The following CCDC83 variants were observed in gnomAD, a reference collection of about 807,000 sequenced individuals.
CCDC83 encodes coiled-coil domain containing 83, also known as coiled-coil domain-containing protein 83.
CCDC83 carries 54 observed loss-of-function variants against 50.1 expected under a neutral mutation model. That is an observed-to-expected ratio of 1.08 (90% CI 0.87 to 1.35). The LOEUF is 1.35. Ranked by LOEUF, CCDC83 falls within the 40% of genes most tolerant of loss-of-function variation. CCDC83 has a pLI of 0.00. For synonymous variants in CCDC83, 161 were observed against 153.3 expected (o/e 1.05, Z -0.37); for missense variants, 518 against 473.9 (o/e 1.09, Z -0.86).
chr11:85,869,789 T>G (rs2093227233), intron 2 of CCDC83, among the ~76,000 whole-genome samples: 1 of 152,196 alleles, frequency 6.6e-6, no homozygotes, highest in Admixed American at 6.5e-5. Flanking sequence ...ATGCTTGAAG[T>G]CCCCATAATA....
chr11:85,868,417 C>CA (rs1250361171), intron 2 of CCDC83, among the ~76,000 whole-genome samples: 1 of 152,186 alleles, frequency 6.6e-6, no homozygotes, highest in East Asian at 1.9e-4. Flanking sequence ...CTCTGTCACC[C>CA]AGGCTGGAGT....
Position 85,915,476 on chromosome 11 carries a change from G to T in CCDC83, c.852G>T (p.Leu284Phe). The T allele has an allele frequency of 6.2e-7, 1 of 1,612,428 alleles. No homozygotes were observed. The highest frequency in any genetic ancestry group is 1.1e-5 in the South Asian group (1 of 90,864). The change falls in exon 9 of 11, where the codon TTG becomes TTT. Residue 284 changes from leucine to phenylalanine, a missense_variant. Transcript: ENST00000342404. The part of the protein sequence containing the change: ...GLEVPPEEMS[L>F]ELPETHIEEK... ...AAGTGCCACCTGAAGAAATGTCTTT[G>T]GAATTGCCAGAAACACATATAGGTA...
At chr11:85,859,687 C>T (rs547767071) in intron 1 of CCDC83, among the ~76,000 whole-genome samples, 40 of 152,332 alleles carry the variant, frequency 2.6e-4, no homozygotes, top group Middle Eastern at 6.8e-3. Flanking sequence ...GAATTAAATA[C>T]TTAAATGTAA....
At chr11:85,860,389 A>T (rs1301196540) in intron 1 of CCDC83, among the ~76,000 whole-genome samples, 1 of 152,134 alleles carries the variant, frequency 6.6e-6, no homozygotes, top group Non-Finnish European at 1.5e-5. Context: ...AATATATGAA[A>T]AAATGCTCAT....
chr11:85,870,410 A>C (rs570470349), intron 2 of CCDC83, among the ~76,000 whole-genome samples: 1 of 152,364 alleles, frequency 6.6e-6, no homozygotes, highest in South Asian at 2.1e-4. Context: ...AACTGCAGAA[A>C]TTATGTCAGT....
chr11:85,859,170 A>C (rs1261431780), intron 1 of CCDC83, among the ~76,000 whole-genome samples: 1 of 148,714 alleles, frequency 6.7e-6, no homozygotes, highest in Non-Finnish European at 1.5e-5. Context: ...AAAAAAAAAA[A>C]AAAAAAAAAA....
intron 1 of CCDC83, among the ~76,000 whole-genome samples, chr11:85,859,032 T>C (rs912593414): frequency 2.6e-5 from 4 of 151,902 alleles, no homozygotes; most frequent in Non-Finnish European, 5.9e-5. Flanking sequence ...ATAGATCTGC[T>C]ACCACTTTGT....
At chr11:85,909,519 G>A (rs549511745) in intron 7 of CCDC83, among the ~76,000 whole-genome samples, 2 of 151,184 alleles carry the variant, frequency 1.3e-5, no homozygotes, top group East Asian at 1.9e-4. Context: ...GGGTGGTGGA[G>A]AGGTGGGTTT....
At chr11:85,915,310 T>G (rs2093472636) in intron 8 of CCDC83, 109 bp from the exon 9 acceptor site, 1 of 756,318 alleles carries the variant, frequency 1.3e-6, no homozygotes, top group East Asian at 2.6e-5. Context: ...AAATTATGTC[T>G]CATTTTTCAT....
rs10594256 is a variant in CCDC83, at chr11:85,895,264, CTTTTTTTT to C, written c.512-12_512-5del. 6.4e-3 allele frequency: 2,307 copies of C among 363,092 alleles called. 13 individuals carry two copies. The highest frequency in any genetic ancestry group is 0.027 in the East Asian group (592 of 22,290). 22.5% of individuals were successfully genotyped at this position (363,092 alleles called of 1,614,324 possible). A position where few individuals can be genotyped will look rare whatever the true frequency, so the allele number is the denominator to read the frequency against. ...CATGCTTGATAAGGCTTTTAATTTTCTTTTTTTTTTTTTTTTTTTTTTTTAAAGAACAC... is the reference window on the plus strand; with the variant it reads ...CATGCTTGATAAGGCTTTTAATTTTCTTTTTTTTTTTTTTTTAAAGAACAC... On this transcript the variant is annotated intron_variant, in intron 5 of 10. Transcript: ENST00000342404.
chr11:85,912,137 C>A (rs889412253), intron 8 of CCDC83, among the ~76,000 whole-genome samples: 6 of 152,074 alleles, frequency 3.9e-5, no homozygotes, highest in Non-Finnish European at 8.8e-5. Flanking sequence ...ATGTAGGGTG[C>A]ATGTGTGCAA....
At chr11:85,911,212 T>C (rs368216585) in intron 7 of CCDC83, 69 bp from the exon 8 acceptor site, 4 of 1,117,288 alleles carry the variant, frequency 3.6e-6, no homozygotes, top group Non-Finnish European at 4.7e-6. Flanking sequence ...AAGAAAAAAA[T>C]AAAGAAAAGA....
intron 1 of CCDC83, among the ~76,000 whole-genome samples, chr11:85,861,725 T>G (rs2093177001): frequency 6.6e-6 from 1 of 152,114 alleles, no homozygotes. Flanking sequence ...ATAGTCATTT[T>G]GGGCCAAGTG....
chr11:85,912,505 A>G, intron 8 of CCDC83: 1 of 662,372 alleles, frequency 1.5e-6, no homozygotes. Flanking sequence ...AATATAGATG[A>G]GGTGAGGCTG....
intron 1 of CCDC83, among the ~76,000 whole-genome samples, chr11:85,861,751 G>A (rs964924831): frequency 4.9e-4 from 74 of 152,156 alleles, no homozygotes; most frequent in African/African-American, 1.8e-3. Flanking sequence ...GCTCATGCCT[G>A]TAATCCTAGC....
intron 10 of CCDC83, among the ~76,000 whole-genome samples, chr11:85,918,539 T>C (rs2093493323): frequency 6.6e-6 from 1 of 152,238 alleles, no homozygotes; most frequent in Admixed American, 6.5e-5. Context: ...ATGGATTTCA[T>C]ATCAGTTAGA....
chr11:85,881,853 G>C (rs908822455), intron 3 of CCDC83, among the ~76,000 whole-genome samples: 42 of 152,138 alleles, frequency 2.8e-4, no homozygotes, highest in African/African-American at 8.9e-4. Flanking sequence ...ATTATGATGT[G>C]TCTTAACATG....
At chr11:85,881,214 CA>C (rs1054002366) in intron 3 of CCDC83, among the ~76,000 whole-genome samples, 2 of 150,584 alleles carry the variant, frequency 1.3e-5, no homozygotes, top group East Asian at 1.9e-4. Context: ...ACTAAAAATA[CA>C]AAAAAAAATT....
In CCDC83 at chr11:85,908,595, AT is replaced by A. The variant is rs1355767024; in HGVS notation, c.673-2685del. Among the ~76,000 whole-genome samples the A allele has an allele frequency of 2.8e-4, 39 of 140,658 alleles. No homozygotes were observed. In the South Asian group the frequency reaches 3.0e-3, roughly 11 times the overall value. 92.3% of individuals were successfully genotyped at this position (140,658 alleles called of 152,430 possible). Reference sequence around the variant, plus strand: ...GATAGATAGATAGATAGATAGATAGATAGATAGATAGATAGACAGATAGAAT... The same window carrying A: ...GATAGATAGATAGATAGATAGATAGAAGATAGATAGATAGACAGATAGAAT... On this transcript the variant is annotated intron_variant, in intron 7 of 10. Coordinates refer to ENST00000342404, the MANE Select transcript of CCDC83 (RefSeq NM_001286159.2).
Sources: allele counts gnomAD v4.1 joint callset (sites outside exome capture counted in the v4.1 genomes callset), GRCh38; gene constraint gnomAD v4.1.1; transcripts MANE v1.5; gene names NCBI Gene and HGNC (gene_info 2026-07-23, HGNC 2026-07-21).